Variants in PKHD1 observed in about 807,000 individuals in gnomAD.
The protein encoded by PKHD1 is fibrocystin.
Under a neutral mutation model 412.0 loss-of-function variants are expected in PKHD1, and 291 were observed. The observed-to-expected ratio is 0.71, with a 90% confidence interval of 0.64 to 0.78. The LOEUF is 0.78. PKHD1 is among the 30% of genes least tolerant of loss of function. The pLI is 0.00. For missense variants in PKHD1, 4,825 were observed against 4,950.7 expected, an observed-to-expected ratio of 0.97 and a Z score of 0.76; for synonymous variants, 1,777 against 1,821.5, an observed-to-expected ratio of 0.98 and a Z score of 0.62.
chr6:51,848,069 C>A, intron 49 of PKHD1, 99 bp from the exon 50 acceptor site: 1 of 796,012 alleles, frequency 1.3e-6, no homozygotes, highest in Non-Finnish European at 2.2e-6. Context: ...CTACAGAGAA[C>A]GCAGATGGAG....
rs1582437271 is a variant in PKHD1 at position 51,747,941 on chromosome 6, G to C, written c.9675C>G (p.Asn3225Lys). ...IQDKVKPHSA[N>K]LTSTDRAPSN... ...AGGGAGCTCTATCTGTTGATGTCAA[G>C]TTGGCTGAGTGCGGCTTCACTTTGT... The change falls in exon 58 of 67, where the codon AAC becomes AAG. Residue 3225 changes from asparagine (N) to lysine (K), a missense_variant. Transcript: ENST00000371117. 1 of 1,614,080 alleles carries C rather than the reference G, an allele frequency of 6.2e-7. No individual in the cohort carries two copies. The highest frequency in any genetic ancestry group is 2.2e-5 in the East Asian group (1 of 44,874).
intron 37 of PKHD1, among the ~76,000 whole-genome samples, chr6:51,916,154 C>A (rs1289807551): frequency 6.6e-6 from 1 of 152,084 alleles, no homozygotes; most frequent in Non-Finnish European, 1.5e-5. Flanking sequence ...TGGCACAATT[C>A]CTAACACAGC....
chr6:52,070,485 A>G, intron 9 of PKHD1, 40 bp from the exon 10 acceptor site: 1 of 1,517,384 alleles, frequency 6.6e-7, no homozygotes, highest in Non-Finnish European at 9.1e-7. Context: ...AGGAATCTGC[A>G]CGAGTCTTCT....
intron 55 of PKHD1, among the ~76,000 whole-genome samples, chr6:51,769,679 C>A (rs1425685356): frequency 6.7e-6 from 1 of 149,048 alleles, no homozygotes; most frequent in Non-Finnish European, 1.5e-5. Context: ...TTTCTAATTT[C>A]TCATATTGAC....
In PKHD1 at chr6:51,934,280, C is replaced by A; in HGVS notation, c.5951G>T (p.Arg1984Met). Residue 1984 changes from arginine to methionine, a missense_variant, in exon 37 of 67, where the codon AGG becomes ATG. Arg to Met is a moderately conservative substitution (Grantham distance 91). Transcript: ENST00000371117. ...IFMAPGPIEL[R>M]AHAILVSDGG... ...ATCAGAAACAAGGATGGCGTGTGCC[C>A]TGAGCTCGATGGGTCCTGGGGCCAT... 6.2e-7 allele frequency: 1 copy of A among 1,613,326 alleles called. No individual in the cohort carries two copies. The highest frequency in any genetic ancestry group is 1.1e-5 in the South Asian group (1 of 91,048).
chr6:51,868,842 A>G lies in PKHD1; in HGVS notation c.7487-733T>C, dbSNP rs191161508. Among the ~76,000 whole-genome samples the G allele has an allele frequency of 9.2e-3, 1,399 of 152,210 alleles. 9 individuals carry two copies. The highest frequency in any genetic ancestry group is 0.016 in the Non-Finnish European group (1,112 of 67,972). On this transcript the variant is annotated intron_variant, in intron 47 of 66. Transcript: ENST00000371117. ...CCACACTTCTTGGCAGTCTTTCCCCAACACCACTGCCATGTGACTCATTGG... is the reference window on the plus strand; with the variant it reads ...CCACACTTCTTGGCAGTCTTTCCCCGACACCACTGCCATGTGACTCATTGG...
intron 55 of PKHD1, among the ~76,000 whole-genome samples, chr6:51,765,785 A>G (rs939834522): frequency 4.6e-5 from 7 of 152,066 alleles, no homozygotes; most frequent in East Asian, 1.9e-4. Context: ...CTAATTTGCA[A>G]TCTCTTCTAT....
At chr6:51,895,551 T>C (rs1368727996) in intron 43 of PKHD1, among the ~76,000 whole-genome samples, 1 of 152,226 alleles carries the variant, frequency 6.6e-6, no homozygotes, top group African/African-American at 2.4e-5. Flanking sequence ...GTTTATACCT[T>C]CATTCGTTAT....
At chr6:52,018,576 C>T (rs1020822388) in intron 33 of PKHD1, among the ~76,000 whole-genome samples, 4 of 152,100 alleles carry the variant, frequency 2.6e-5, no homozygotes, top group Non-Finnish European at 4.4e-5. Context: ...GCTTGTGGCA[C>T]AATTTCACCT....
Position 51,836,921 on chromosome 6 carries a change from C to T in PKHD1, c.8108-452G>A, listed in dbSNP as rs180733065. 9.6e-3 allele frequency among the ~76,000 whole-genome samples: 1,459 copies of T among 152,224 alleles called. 8 individuals carry two copies. The highest frequency in any genetic ancestry group is 0.015 in the Non-Finnish European group (1,012 of 68,016). On this transcript the variant is annotated intron_variant, in intron 50 of 66. Coordinates refer to ENST00000371117, the MANE Select transcript of PKHD1 (RefSeq NM_138694.4). ...AAACAAATTGTCCTTTTAATGAAGC[C>T]TTTTCCCCACCCCCTATCCTCCTCC... is the stretch of plus-strand genomic sequence containing the variant.
intron 52 of PKHD1, among the ~76,000 whole-genome samples, chr6:51,818,019 A>G (rs9474085): frequency 0.36 from 54,384 of 152,066 alleles, 10,212 homozygotes; most frequent in Middle Eastern, 0.48. Flanking sequence ...AATGTTTTTT[A>G]TCCAGACACT....
intron 60 of PKHD1, among the ~76,000 whole-genome samples, chr6:51,734,439 T>C (rs1783592747): frequency 6.6e-6 from 1 of 152,212 alleles, no homozygotes. Context: ...TTCACATTTG[T>C]TCCCTCATTC....
At chr6:51,676,225 T>C (rs968225967) in intron 60 of PKHD1, among the ~76,000 whole-genome samples, 7 of 105,706 alleles carry the variant, frequency 6.6e-5, no homozygotes, top group Non-Finnish European at 9.3e-5. Context: ...TCGTCTTTGC[T>C]AGAAAAAAAA....
At chr6:51,801,880 A>T (rs954200702) in intron 52 of PKHD1, among the ~76,000 whole-genome samples, 7 of 152,168 alleles carry the variant, frequency 4.6e-5, no homozygotes, top group African/African-American at 1.7e-4. Context: ...GATCAATAAA[A>T]TGTTTAACAT....
rs2151687606 is a variant in PKHD1 at position 51,855,934 on chromosome 6, A to G, written c.7870T>C (p.Ser2624Pro). ...ATCCAAAGGTTCTCAGATTGCAATG[A>G]GTAGGTCTCTTGGTCCAAGAGCAGA... ...MALLLDQETY[S>P]LQSENLWINR... The change falls in exon 49 of 67, where the codon TCA (serine) becomes CCA (proline). Residue 2624 changes from serine to proline, a missense_variant. Coordinates refer to ENST00000371117, the MANE Select transcript of PKHD1 (RefSeq NM_138694.4). The G allele has an allele frequency of 6.2e-7, 1 of 1,614,068 alleles. No homozygotes were observed. Among genetic ancestry groups the G allele is most frequent in the Admixed American group, 1.7e-5 (1 of 60,032 alleles).
intron 52 of PKHD1, among the ~76,000 whole-genome samples, chr6:51,808,339 T>C (rs1479927092): frequency 6.6e-6 from 1 of 152,104 alleles, no homozygotes; most frequent in African/African-American, 2.4e-5. Flanking sequence ...GAAATGAAAC[T>C]GGCTGGCTGG....
At position 52,045,240 on chromosome 6, in the gene PKHD1, G is replaced by A. The variant is rs372491664; in HGVS notation, c.2593-152C>T. On this transcript the variant is annotated intron_variant, in intron 24 of 66. Coordinates refer to ENST00000371117, the MANE Select transcript of PKHD1 (RefSeq NM_138694.4). Reference sequence around the variant, plus strand: ...TAACAGAGAATTGAAATATAGAAACGTAACAGTAAATAATGGCTGAGGAAA... The same window carrying A: ...TAACAGAGAATTGAAATATAGAAACATAACAGTAAATAATGGCTGAGGAAA... 71 of 773,760 alleles carry A rather than the reference G, an allele frequency of 9.2e-5. No homozygotes were observed. The East Asian group carries it at 1.1e-3, about 12-fold the overall frequency. 47.9% of individuals were successfully genotyped at this position (773,760 alleles called of 1,614,324 possible).
chr6:51,929,805 G>GC (rs1786293276), intron 37 of PKHD1, among the ~76,000 whole-genome samples: 1 of 152,210 alleles, frequency 6.6e-6, no homozygotes, highest in East Asian at 1.9e-4. Context: ...CTTCAATCAT[G>GC]CCCCACATAC....
intron 35 of PKHD1, among the ~76,000 whole-genome samples, chr6:51,995,476 A>C (rs1797613566): frequency 6.6e-6 from 1 of 152,244 alleles, no homozygotes. Flanking sequence ...AAAATCACTT[A>C]AACGTAAACC....
Sources: allele counts gnomAD v4.1 joint callset (sites outside exome capture counted in the v4.1 genomes callset), GRCh38; gene constraint gnomAD v4.1.1; transcripts MANE v1.5; gene names NCBI Gene and HGNC (gene_info 2026-07-23, HGNC 2026-07-21).